YTHDF2: variants seen among roughly 807,000 people sequenced by gnomAD.
The protein encoded by YTHDF2 is YTH N6-methyladenosine RNA binding protein F2.
In YTHDF2, 2 loss-of-function variants were observed where a neutral mutation model predicts 50.4. That is an observed-to-expected ratio of 0.04 (90% CI 0.02 to 0.12). The LOEUF (loss-of-function observed/expected upper bound fraction) is 0.12, where lower values mean the gene tolerates loss of function less well. YTHDF2 is among the 10% of genes least tolerant of loss of function. The pLI is 1.00. For missense variants in YTHDF2, 483 were observed against 722.6 expected, an observed-to-expected ratio of 0.67 and a Z score of 3.80; for synonymous variants, 217 against 255.6, an observed-to-expected ratio of 0.85 and a Z score of 1.44.
chr1:28,737,454 C>T, intron 1 of YTHDF2: 1 of 698,696 alleles, frequency 1.4e-6, no homozygotes, highest in East Asian at 3.1e-5. Context: ...GCCGGTGGCG[C>T]GTCTGCCGCG....
At chr1:28,749,038 G>A (rs1447189441) in intron 4 of YTHDF2, among the ~76,000 whole-genome samples, 3 of 152,080 alleles carry the variant, frequency 2.0e-5, no homozygotes, top group East Asian at 3.9e-4. Flanking sequence ...TACTAAAGGG[G>A]TATGTGCTTT....
chr1:28,740,454 C>G (rs552268649), intron 3 of YTHDF2: 172 of 152,222 alleles, frequency 1.1e-3, no homozygotes, highest in African/African-American at 4.0e-3. Context: ...TAATATAAAT[C>G]TTAGATGAGT....
chr1:28,760,653 T>C (rs1372469394), intron 4 of YTHDF2, among the ~76,000 whole-genome samples: 1 of 151,960 alleles, frequency 6.6e-6, no homozygotes. Context: ...TTTTGGCTGC[T>C]TACTGCAGCC....
At chr1:28,746,274 T>A (rs1355823769) in intron 4 of YTHDF2, among the ~76,000 whole-genome samples, 1 of 152,122 alleles carries the variant, frequency 6.6e-6, no homozygotes, top group Admixed American at 6.6e-5. Flanking sequence ...ATCTTTATAA[T>A]AAAATTCTGT....
chr1:28,745,724 GCC>G (rs1222221011), intron 4 of YTHDF2, among the ~76,000 whole-genome samples: 78 of 43,612 alleles, frequency 1.8e-3, no homozygotes, highest in African/African-American at 6.7e-3. Context: ...ATCTCCCCCC[GCC>G]CCCCCCCCCC....
chr1:28,763,845 T>A (rs1165649769), intron 4 of YTHDF2, among the ~76,000 whole-genome samples: 3 of 144,864 alleles, frequency 2.1e-5, no homozygotes, highest in African/African-American at 7.9e-5. Context: ...CAAAGTAATC[T>A]TAATTTTTTC....
intron 4 of YTHDF2, among the ~76,000 whole-genome samples, chr1:28,745,734 CCCA>C (rs1472692545): frequency 8.2e-6 from 1 of 122,156 alleles, no homozygotes; most frequent in Non-Finnish European, 1.8e-5. Context: ...GCCCCCCCCC[CCCA>C]AAAAAAAACT....
Position 28,742,667 on chromosome 1 carries a change from G to A in YTHDF2, c.397G>A (p.Ala133Thr). 1 of 1,614,126 alleles carries A rather than the reference G, an allele frequency of 6.2e-7. No homozygotes were observed. The highest frequency in any genetic ancestry group is 8.5e-7 in the Non-Finnish European group (1 of 1,180,028). ...NFFPSGIDFS[A>T]WGNNSSQGQS... ...CTTTCCCAGTGGGATTGACTTCTCA[G>A]CATGGGGAAATAACAGTTCTCAGGG... Residue 133 changes from alanine (A) to threonine (T), a missense_variant, in exon 4 of 5, where the codon GCA (alanine) becomes ACA (threonine). Around this residue, in one of 4 missense-constraint regions of YTHDF2, gnomAD observed 385 missense variants for 475.8 expected, o/e 0.81. Transcript: ENST00000373812.
chr1:28,752,704 A>T (rs1376797564), intron 4 of YTHDF2, among the ~76,000 whole-genome samples: 1 of 152,112 alleles, frequency 6.6e-6, no homozygotes, highest in Non-Finnish European at 1.5e-5. Flanking sequence ...ATTGCAGATT[A>T]AATTTGTGTG....
chr1:28,754,066 GA>G (rs2087999850), intron 4 of YTHDF2, among the ~76,000 whole-genome samples: 1 of 152,136 alleles, frequency 6.6e-6, no homozygotes, highest in South Asian at 2.1e-4. Context: ...GTTAATTAGG[GA>G]ATAACAGTTT....
chr1:28,743,093 A>T lies in YTHDF2; in HGVS notation c.823A>T (p.Ile275Phe). 1 of 1,614,182 alleles carries T rather than the reference A, an allele frequency of 6.2e-7. No individual in the cohort carries two copies. Among genetic ancestry groups the T allele is most frequent in the Non-Finnish European group, 8.5e-7 (1 of 1,180,034 alleles). The change falls in exon 4 of 5, where the codon ATT becomes TTT. Residue 275 changes from isoleucine to phenylalanine, a missense_variant. Physicochemically the swap from Ile to Phe is conservative, Grantham distance 21. Transcript: ENST00000373812. The surrounding 1 kb of genome is among the most constrained non-coding windows in gnomAD (Gnocchi z 6.9). ...PPPPIKHNMD[I>F]GTWDNKGPVA... ...ACCCCCGATAAAGCATAACATGGAT[A>T]TTGGAACTTGGGATAACAAGGGTCC...
rs776179557 is a variant in YTHDF2 at position 28,737,083 on chromosome 1, A to G, written c.-38A>G. On this transcript the variant is annotated 5_prime_UTR_variant, in exon 1 of 5. Coordinates refer to ENST00000373812, the MANE Select transcript of YTHDF2 (RefSeq NM_016258.3). ...CTGCCGCCGCCGCCGCGCTGAGGAG[A>G]GTTCGCCGCCGTCGCCGCCCGTGAG... is the stretch of plus-strand genomic sequence containing the variant. The G allele has an allele frequency of 7.6e-6, 12 of 1,581,328 alleles. No individual in the cohort carries two copies. The highest frequency in any genetic ancestry group is 1.0e-5 in the Non-Finnish European group (12 of 1,165,690).
intron 4 of YTHDF2, among the ~76,000 whole-genome samples, chr1:28,762,291 C>A (rs1210089009): frequency 1.3e-5 from 2 of 152,130 alleles, no homozygotes; most frequent in African/African-American, 4.8e-5. Context: ...ACTCGGGAGG[C>A]TGAGGCAGGA....
rs2088261486 is a variant in YTHDF2, at chr1:28,768,935, C to G, written c.1723C>G (p.Gln575Glu). 1 of 1,592,860 alleles carries G rather than the reference C, an allele frequency of 6.3e-7. No individual in the cohort carries two copies. The highest frequency in any genetic ancestry group is 1.3e-5 in the African/African-American group (1 of 74,468). The stretch of plus-strand genomic sequence containing the variant: ...TTTTTTCTTACCTCTGTAGGAACGT[C>G]AAGGTCGTGGGAAATAAAAGGCAGT... ...EEEESVKKERQGRGK is the reference protein window; with the variant it reads ...EEEESVKKEREGRGK Residue 575 changes from glutamine to glutamate, a missense_variant, in exon 5 of 5, where the codon CAA (glutamine) becomes GAA (glutamate). Around this residue, in one of 4 missense-constraint regions of YTHDF2, gnomAD observed 38 missense variants for 60.1 expected, o/e 0.63. Transcript: ENST00000373812.
At chr1:28,744,454 G>C (rs2087828765) in intron 4 of YTHDF2, among the ~76,000 whole-genome samples, 1 of 152,154 alleles carries the variant, frequency 6.6e-6, no homozygotes, top group Non-Finnish European at 1.5e-5. Flanking sequence ...AATCACTTCT[G>C]TCTTCCCTGT....
chr1:28,736,749 A>AG, upstream of YTHDF2: 1 of 278,708 alleles, frequency 3.6e-6, no homozygotes, highest in Non-Finnish European at 6.9e-6. Context: ...AATCCGCCAG[A>AG]GGGCGCAGCG....
rs972238199 is a variant in YTHDF2 at position 28,767,004 on chromosome 1, G to T, written c.1717-1925G>T. Among the ~76,000 whole-genome samples the T allele has an allele frequency of 9.3e-5, 13 of 140,268 alleles. No homozygotes were observed. The East Asian group carries it at 1.0e-3, about 11-fold the overall frequency. The allele number at this position is 140,268 out of a possible 152,430, so 92.0% of individuals were successfully genotyped here. A position where few individuals can be genotyped will look rare whatever the true frequency, so the allele number is the denominator to read the frequency against. ...ATGCCACCACCATGCCTAATTAAAA[G>T]ATTTTTTTTTTTTTTTTTGTAGAGA... On this transcript the variant is annotated intron_variant, in intron 4 of 4. Coordinates refer to ENST00000373812, the MANE Select transcript of YTHDF2 (RefSeq NM_016258.3).
At chr1:28,747,154 A>C (rs553333209) in intron 4 of YTHDF2, among the ~76,000 whole-genome samples, 4 of 152,232 alleles carry the variant, frequency 2.6e-5, no homozygotes, top group Non-Finnish European at 5.9e-5. Context: ...GTTAATGATA[A>C]TTGAACTTGA....
intron 4 of YTHDF2, among the ~76,000 whole-genome samples, chr1:28,746,207 G>A (rs1045904819): frequency 2.0e-5 from 3 of 152,054 alleles, no homozygotes; most frequent in Non-Finnish European, 2.9e-5. Context: ...ATTTATAGAC[G>A]TCTGAGGGGC....
Sources: gnomAD v4.1 joint callset for allele counts (sites outside exome capture counted in the v4.1 genomes callset) on GRCh38, gnomAD v4.1.1 for gene constraint, gnomAD v4.1.1 regional missense constraint, Gnocchi (gnomAD v3.1) non-coding constraint, MANE v1.5 for transcripts, NCBI Gene and HGNC (gene_info 2026-07-23, HGNC 2026-07-21) for gene names.